ODF2L: variants seen among roughly 807,000 people sequenced by gnomAD.
ODF2L encodes outer dense fiber of sperm tails 2 like.
ODF2L carries 76 observed loss-of-function variants against 86.3 expected under a neutral mutation model. The observed-to-expected ratio is 0.88, with a 90% CI of 0.73 to 1.07. The LOEUF (loss-of-function observed/expected upper bound fraction) is 1.07, where lower values mean the gene tolerates loss of function less well. Ranked by LOEUF, ODF2L falls within the 50% of genes least tolerant of loss-of-function variation. The probability of loss-of-function intolerance (pLI) is 0.00; values close to 1 mark genes in which losing one functional copy is unlikely to be tolerated. For missense variants in ODF2L, 748 were observed against 717.4 expected, an observed-to-expected ratio of 1.04 and a Z score of -0.49; for synonymous variants, 241 against 231.3, an observed-to-expected ratio of 1.04 and a Z score of -0.38.
chr1:86,371,042 C>A, exon 10 of ODF2L: 1 of 1,574,110 alleles, frequency 6.4e-7, no homozygotes, highest in South Asian at 1.2e-5. Context: ...TCTCAAGATT[C>A]AGAGTTTCAT....
intron 13 of ODF2L, chr1:86,357,830 C>A (rs1658701554): frequency 2.0e-6 from 2 of 985,146 alleles, no homozygotes; most frequent in Non-Finnish European, 2.4e-6. Context: ...AGGCTCCAAC[C>A]CTTTCCGTCA....
chr1:86,376,769 G>T (rs1660205531), intron 7 of ODF2L, among the ~76,000 whole-genome samples: 1 of 152,060 alleles, frequency 6.6e-6, no homozygotes, highest in African/African-American at 2.4e-5. Context: ...GAACAGCATG[G>T]GGAAAACCAC....
At chr1:86,385,529 A>G (rs766789635) in exon 3 of ODF2L, 41 of 1,607,604 alleles carry the variant, frequency 2.6e-5, no homozygotes, top group Non-Finnish European at 3.4e-5. Flanking sequence ...TGAGTTACCA[A>G]CTCCGCTTCC....
At chr1:86,350,141 T>G (rs1309574939) in exon 18 of ODF2L, 2 of 215,554 alleles carry the variant, frequency 9.3e-6, no homozygotes, top group Non-Finnish European at 1.6e-5. Context: ...AGTTCTGGGA[T>G]ACATGTACAG....
intron 11 of ODF2L, among the ~76,000 whole-genome samples, chr1:86,365,645 T>C (rs1037866652): frequency 6.6e-6 from 1 of 152,212 alleles, no homozygotes; most frequent in Non-Finnish European, 1.5e-5. Flanking sequence ...AAAAGAATGT[T>C]TGTAAGTCAA....
chr1:86,370,449 T>C (rs1360440856), intron 10 of ODF2L, among the ~76,000 whole-genome samples: 1 of 152,196 alleles, frequency 6.6e-6, no homozygotes, highest in African/African-American at 2.4e-5. Flanking sequence ...GGTTCTTTTC[T>C]GTCTTCTATT....
intron 14 of ODF2L, 39 bp downstream of exon 13, chr1:86,356,405 T>C (rs574817136): frequency 1.9e-6 from 3 of 1,546,334 alleles, no homozygotes; most frequent in Non-Finnish European, 2.6e-6. Context: ...AAGCATTCTT[T>C]TAACGCATCT....
chr1:86,355,444 A>T, intron 14 of ODF2L: 1 of 911,170 alleles, frequency 1.1e-6, no homozygotes, highest in Non-Finnish European at 1.7e-6. Flanking sequence ...CATAATTTCA[A>T]TTAGTAATTT....
rs28788025 is a variant in ODF2L, at chr1:86,390,879, C to G, written c.-59-3793G>C. Among the ~76,000 whole-genome samples the G allele has an allele frequency of 0.011, 1,695 of 152,218 alleles. 68 individuals are homozygous for G. The East Asian group carries it at 0.12, about 10-fold the overall frequency. ...AATAAAGGGCATCCAAATCGGTAAA[C>G]AGGAAGTCAAACCGTTGCTGTTTGC... On this transcript the variant is annotated intron_variant, in intron 1 of 17. Coordinates refer to ENST00000317336, the Ensembl canonical transcript of ODF2L.
intron 11 of ODF2L, among the ~76,000 whole-genome samples, chr1:86,367,192 G>C (rs1659499106): frequency 6.6e-6 from 1 of 152,266 alleles, no homozygotes; most frequent in East Asian, 1.9e-4. Flanking sequence ...AAAGTTCTCA[G>C]TAAAAATTAC....
intron 11 of ODF2L, 52 bp from the exon 11 acceptor site, chr1:86,360,588 A>G (rs1473993436): frequency 2.7e-6 from 2 of 730,756 alleles, no homozygotes; most frequent in Non-Finnish European, 4.7e-6. Context: ...TTTATACTCC[A>G]GTGCTACAGA....
chr1:86,371,724 A>C (rs1169839664), intron 9 of ODF2L, among the ~76,000 whole-genome samples: 1 of 152,076 alleles, frequency 6.6e-6, no homozygotes, highest in Admixed American at 6.5e-5. Flanking sequence ...TTAAGGAACA[A>C]TCATTTTTAC....
chr1:86,382,446 G>A, intron 6 of ODF2L, 88 bp from the exon 7 acceptor site: 5 of 1,561,124 alleles, frequency 3.2e-6, no homozygotes, highest in Non-Finnish European at 4.3e-6. Context: ...CCTGATTTAG[G>A]CACAATCTAA....
At chr1:86,374,961 C>T (rs1427508947) in intron 8 of ODF2L, 1 of 152,002 alleles carries the variant, frequency 6.6e-6, no homozygotes, top group Non-Finnish European at 1.5e-5. Context: ...CCTTCTGAGA[C>T]TTATACTCAA....
rs150571591 is a variant in ODF2L, at chr1:86,393,596, A to G, written c.-60+2437T>C. 2.2e-4 allele frequency among the ~76,000 whole-genome samples: 33 copies of G among 152,382 alleles called. 3 individuals carry two copies. In the East Asian group the frequency reaches 2.3e-3, roughly 11 times the overall value. ...GGATAATATAGGAAGAAGAGTTGAC[A>G]GCAAGAGTGACTGTTCTGTAAACAC... On this transcript the variant is annotated intron_variant, in intron 1 of 17. Transcript: ENST00000317336.
Position 86,355,457 on chromosome 1 carries a change from G to C in ODF2L, c.1519-598C>G, listed in dbSNP as rs1658474532. The C allele has an allele frequency of 5.1e-6, 4 of 780,982 alleles. No homozygotes were observed. In the East Asian group the frequency reaches 8.1e-5, roughly 16 times the overall value. 48.4% of individuals were successfully genotyped at this position (780,982 alleles called of 1,614,324 possible). ...CTCATAATTTCAATTAGTAATTTAG[G>C]CTAATCTATGTCGTTTGACATTTTA... On this transcript the variant is annotated intron_variant, in intron 14 of 17. Coordinates refer to ENST00000317336, the Ensembl canonical transcript of ODF2L.
At chr1:86,360,071 A>C (rs1303154177) in intron 12 of ODF2L, among the ~76,000 whole-genome samples, 1 of 152,294 alleles carries the variant, frequency 6.6e-6, no homozygotes, top group Admixed American at 6.5e-5. Flanking sequence ...AACTTTAATG[A>C]CCCTAGAAGG....
rs910190430 is a variant in ODF2L at position 86,352,235 on chromosome 1, T to C, written c.1894-27A>G. The C allele has an allele frequency of 7.4e-6, 11 of 1,480,164 alleles. No individual in the cohort carries two copies. In the African/African-American group the frequency reaches 1.6e-4, roughly 21 times the overall value. The allele number at this position is 1,480,164 out of a possible 1,614,324, so 91.7% of individuals were successfully genotyped here. A position where few individuals can be genotyped will look rare whatever the true frequency, so the allele number is the denominator to read the frequency against. ...TGGAAAAAACACAGTATCATTATTC[T>C]CTATGTCATTATCTAGTAGACAGTT... On this transcript the variant is annotated intron_variant, in intron 17 of 17. Coordinates refer to ENST00000317336, the Ensembl canonical transcript of ODF2L.
In ODF2L at chr1:86,357,910, G is replaced by A; in HGVS notation, c.1359+877C>T. On this transcript the variant is annotated intron_variant, in intron 13 of 17. Transcript: ENST00000317336. ...AGCAGAAAAGGAGACATTTGCACTG[G>A]TATGTTTCATGAGAAAATGAGACCA... The A allele has an allele frequency of 4.1e-6, 4 of 984,686 alleles. No homozygotes were observed. In the African/African-American group the frequency reaches 5.2e-5, roughly 13 times the overall value. The allele number at this position is 984,686 out of a possible 1,614,324, so 61.0% of individuals were successfully genotyped here. A position where few individuals can be genotyped will look rare whatever the true frequency, so the allele number is the denominator to read the frequency against.
Sources: gnomAD v4.1 joint callset for allele counts (sites outside exome capture counted in the v4.1 genomes callset) on GRCh38, gnomAD v4.1.1 for gene constraint, MANE v1.5 for transcripts, NCBI Gene and HGNC (gene_info 2026-07-23, HGNC 2026-07-21) for gene names.